Variants in NT5DC3 observed in about 807,000 individuals in gnomAD.
The protein encoded by NT5DC3 is 5'-nucleotidase domain-containing protein 3.
In NT5DC3, 42 loss-of-function variants were observed where a neutral mutation model predicts 67.8. The ratio of observed to expected loss-of-function variants is 0.62; its 90% CI spans 0.48 to 0.80. NT5DC3 has a LOEUF of 0.80. NT5DC3 is among the 30% of genes least tolerant of loss of function. The pLI is 0.00. For missense variants in NT5DC3, 570 were observed against 696.4 expected, an observed-to-expected ratio of 0.82 and a Z score of 2.04; for synonymous variants, 237 against 255.6, an observed-to-expected ratio of 0.93 and a Z score of 0.69.
At chr12:103,815,910 A>G (rs527483561) in intron 1 of NT5DC3, among the ~76,000 whole-genome samples, 4 of 152,358 alleles carry the variant, frequency 2.6e-5, no homozygotes, top group Non-Finnish European at 4.4e-5. Flanking sequence ...AAGTAAAAGT[A>G]TAGTTAACAA....
intron 4 of NT5DC3, among the ~76,000 whole-genome samples, chr12:103,801,610 T>C (rs1231247174): frequency 6.6e-6 from 1 of 152,010 alleles, no homozygotes; most frequent in Non-Finnish European, 1.5e-5. Flanking sequence ...CTTGATCTCC[T>C]GACCTCGTGA....
At chr12:103,789,081 G>A (rs983810176) in intron 9 of NT5DC3, 162 bp from the exon 10 acceptor site, 12 of 598,872 alleles carry the variant, frequency 2.0e-5, no homozygotes, top group East Asian at 8.1e-5. Context: ...AATTCAATGC[G>A]TCCCAAATTG....
In NT5DC3 at chr12:103,775,839, T is replaced by C. The variant is rs1181813752; in HGVS notation, c.*1990A>G. 1 of 152,252 alleles carries C rather than the reference T, an allele frequency of 6.6e-6. No homozygotes were observed. The highest frequency in any genetic ancestry group is 2.1e-4 in the South Asian group (1 of 4,834). The allele number at this position is 152,252 out of a possible 1,614,324, so 9.4% of individuals were successfully genotyped here. On this transcript the variant is annotated 3_prime_UTR_variant, in exon 14 of 14. Transcript: ENST00000392876. Reference sequence around the variant, plus strand: ...AAGCAGCATTACAAAGGATGCTATATAACTCATTAAGTTTCTGCCATCTGG... The same window carrying C: ...AAGCAGCATTACAAAGGATGCTATACAACTCATTAAGTTTCTGCCATCTGG...
chr12:103,833,736 C>T (rs910355278), intron 1 of NT5DC3, among the ~76,000 whole-genome samples: 5 of 150,234 alleles, frequency 3.3e-5, no homozygotes, highest in South Asian at 4.2e-4. Flanking sequence ...AAAAAAAATC[C>T]GTGCGACTAA....
chr12:103,785,890 A>T (rs962161099), intron 11 of NT5DC3: 4 of 373,284 alleles, frequency 1.1e-5, no homozygotes, highest in African/African-American at 6.4e-5. Context: ...GAACCATGGA[A>T]TCTCAGATTT....
chr12:103,780,364 C>T lies in NT5DC3; in HGVS notation c.1330G>A (p.Val444Ile). ...TLTGLLEQMQ[V>I]HRDAESQLVL... Reference sequence around the variant, plus strand: ...AGCTGTGACTCAGCATCTCTGTGAACCTGTAGGACACAAGTCAATTATTAC... The same window carrying T: ...AGCTGTGACTCAGCATCTCTGTGAATCTGTAGGACACAAGTCAATTATTAC... Residue 444 changes from valine (V) to isoleucine (I), a missense_variant and splice_region_variant, in exon 13 of 14, where the codon GTT (valine) becomes ATT (isoleucine). This residue lies in a region of NT5DC3 where 466 missense variants were observed against 608.0 expected (regional missense o/e 0.77). Coordinates refer to ENST00000392876, the MANE Select transcript of NT5DC3 (RefSeq NM_001031701.3). The T allele has an allele frequency of 6.2e-7, 1 of 1,613,824 alleles. No individual in the cohort carries two copies. The highest frequency in any genetic ancestry group is 8.5e-7 in the Non-Finnish European group (1 of 1,179,758).
chr12:103,755,618 A>G, the NT5DC3 span: 3 of 1,614,082 alleles, frequency 1.9e-6, no homozygotes, highest in Middle Eastern at 1.6e-4. Context: ...CCAGATGTGA[A>G]CTGCACCTGC....
At chr12:103,791,998 C>A (rs745888804) in intron 9 of NT5DC3, among the ~76,000 whole-genome samples, 1 of 152,196 alleles carries the variant, frequency 6.6e-6, no homozygotes, top group Non-Finnish European at 1.5e-5. Context: ...GGATGCACAG[C>A]AGCCCACTCT....
At position 103,773,284 on chromosome 12, in the gene NT5DC3, C is replaced by T. The variant is rs1161523660; in HGVS notation, c.*4545G>A. 3 of 152,184 alleles carry T rather than the reference C, an allele frequency of 2.0e-5. No individual in the cohort carries two copies. The highest frequency in any genetic ancestry group is 2.9e-5 in the Non-Finnish European group (2 of 68,022). The allele number at this position is 152,184 out of a possible 1,614,324, so 9.4% of individuals were successfully genotyped here. A position where few individuals can be genotyped will look rare whatever the true frequency, so the allele number is the denominator to read the frequency against. The stretch of plus-strand genomic sequence containing the variant: ...GAACACAGCCATGACCATGGTCATT[C>T]CCACAGTAGTAGTAGCAAAAGCAAA... On this transcript the variant is annotated 3_prime_UTR_variant, in exon 14 of 14. Transcript: ENST00000392876.
chr12:103,801,797 A>G (rs1886596660), intron 4 of NT5DC3, among the ~76,000 whole-genome samples: 1 of 152,162 alleles, frequency 6.6e-6, no homozygotes, highest in Admixed American at 6.5e-5. Context: ...CTAAGAATGG[A>G]AATGGCCACA....
At chr12:103,837,514 C>T (rs1328765640) in intron 1 of NT5DC3, among the ~76,000 whole-genome samples, 1 of 152,212 alleles carries the variant, frequency 6.6e-6, no homozygotes, top group East Asian at 1.9e-4. Flanking sequence ...CCTTTTAAAA[C>T]TGAATGCCTT....
chr12:103,830,763 G>A (rs1484807351), intron 1 of NT5DC3, among the ~76,000 whole-genome samples: 1 of 151,924 alleles, frequency 6.6e-6, no homozygotes, highest in Non-Finnish European at 1.5e-5. Context: ...CATATTCTTT[G>A]CTCACATTTT....
chr12:103,791,181 T>C (rs10861103), intron 9 of NT5DC3, among the ~76,000 whole-genome samples: 57,740 of 151,600 alleles, frequency 0.38, 12,010 homozygotes, highest in East Asian at 0.88. Context: ...AATAGATGTT[T>C]GGGGGAGAGG....
intron 2 of NT5DC3, among the ~76,000 whole-genome samples, chr12:103,813,327 G>C (rs889235221): frequency 2.6e-5 from 4 of 152,232 alleles, no homozygotes; most frequent in Non-Finnish European, 5.9e-5. Flanking sequence ...AGATGGAAGA[G>C]AGTAGTCCCT....
intron 9 of NT5DC3, among the ~76,000 whole-genome samples, 178 bp downstream of exon 9, chr12:103,792,986 C>G (rs1222180556): frequency 6.6e-6 from 1 of 152,222 alleles, no homozygotes; most frequent in Non-Finnish European, 1.5e-5. Context: ...TGCATGCAAA[C>G]TGTCTGTTAC....
In NT5DC3 at chr12:103,775,092, G is replaced by C. The variant is rs1309708269; in HGVS notation, c.*2737C>G. On this transcript the variant is annotated 3_prime_UTR_variant, in exon 14 of 14. Transcript: ENST00000392876. ...ATATACAAGGATTAATAATAAAGTGGGATGTGCCTCCATCGTTCACATGGG... is the reference window on the plus strand; with the variant it reads ...ATATACAAGGATTAATAATAAAGTGCGATGTGCCTCCATCGTTCACATGGG... The C allele has an allele frequency of 6.6e-6, 1 of 152,116 alleles. No homozygotes were observed. The highest frequency in any genetic ancestry group is 1.5e-5 in the Non-Finnish European group (1 of 68,034). The allele number at this position is 152,116 out of a possible 1,614,324, so 9.4% of individuals were successfully genotyped here.
Position 103,776,031 on chromosome 12 carries a change from A to G in NT5DC3, c.*1798T>C, listed in dbSNP as rs1214094582. 1 of 152,216 alleles carries G rather than the reference A, an allele frequency of 6.6e-6. No individual in the cohort carries two copies. The highest frequency in any genetic ancestry group is 1.5e-5 in the Non-Finnish European group (1 of 68,038). The allele number at this position is 152,216 out of a possible 1,614,324, so 9.4% of individuals were successfully genotyped here. A position where few individuals can be genotyped will look rare whatever the true frequency, so the allele number is the denominator to read the frequency against. ...CAAGTTACCGCAAAAGCTTAAAATG[A>G]GTTTTAGCAATACTAGATTAGGCTA... On this transcript the variant is annotated 3_prime_UTR_variant, in exon 14 of 14. Transcript: ENST00000392876.
rs1193847821 is a variant in NT5DC3, at chr12:103,773,535, C to G, written c.*4294G>C. 1 of 151,904 alleles carries G rather than the reference C, an allele frequency of 6.6e-6. No homozygotes were observed. Among genetic ancestry groups the G allele is most frequent in the Non-Finnish European group, 1.5e-5 (1 of 67,988 alleles). The allele number at this position is 151,904 out of a possible 1,614,324, so 9.4% of individuals were successfully genotyped here. A position where few individuals can be genotyped will look rare whatever the true frequency, so the allele number is the denominator to read the frequency against. ...GGTTAGCTGAACTTTGAGCTAAGCT[C>G]CTAAGGCAAAAAAGAAAGAAAGAAA... is the stretch of plus-strand genomic sequence containing the variant. On this transcript the variant is annotated 3_prime_UTR_variant, in exon 14 of 14. Coordinates refer to ENST00000392876, the MANE Select transcript of NT5DC3 (RefSeq NM_001031701.3).
chr12:103,759,289 G>T, the NT5DC3 span: 1 of 1,611,166 alleles, frequency 6.2e-7, no homozygotes, highest in South Asian at 1.1e-5. Context: ...AAGTCTTCTG[G>T]GCTTCTTGGG....
Sources: allele counts gnomAD v4.1 joint callset (sites outside exome capture counted in the v4.1 genomes callset), GRCh38; gene constraint gnomAD v4.1.1; regional missense constraint gnomAD v4.1.1; transcripts MANE v1.5; gene names NCBI Gene and HGNC (gene_info 2026-07-23, HGNC 2026-07-21).